NEXMIF: variants seen among roughly 807,000 people sequenced by gnomAD.
The protein encoded by NEXMIF is neurite extension and migration factor.
Under a neutral mutation model 62.1 loss-of-function variants are expected in NEXMIF, and 8 were observed. The observed-to-expected ratio is 0.13, with a 90% CI of 0.08 to 0.23. NEXMIF has a LOEUF of 0.23. Ranked by LOEUF, NEXMIF falls within the 10% of genes least tolerant of loss-of-function variation. The pLI is 1.00. For missense variants in NEXMIF, 976 were observed against 1,113.3 expected (o/e 0.88, Z 1.75); for synonymous variants, 404 against 416.6 (o/e 0.97, Z 0.37).
chrX:74,866,200 T>C (rs1400127072), intron 1 of NEXMIF, among the ~76,000 whole-genome samples: 1 of 111,982 alleles, frequency 8.9e-6, no homozygotes, highest in Non-Finnish European at 1.9e-5. Context: ...TCCCACTGCT[T>C]GCATCAGTGT....
rs1431384899 is a variant in NEXMIF at position 74,793,737 on chromosome X, T to C, written c.-47-48040A>G. 2.3e-3 allele frequency among the ~76,000 whole-genome samples: 218 copies of C among 93,572 alleles called. 2 individuals carry two copies. The highest frequency in any genetic ancestry group is 7.9e-3 in the African/African-American group (205 of 25,901). 81.3% of individuals were successfully genotyped at this position (93,572 alleles called of 115,157 possible). On this transcript the variant is annotated intron_variant, in intron 1 of 3. Coordinates refer to ENST00000055682, the MANE Select transcript of NEXMIF (RefSeq NM_001008537.3). ...TCATTTCATTCATTTCATCTTCCATTGCTGATACCCTTTCTTCCAGTTGAT... is the reference window on the plus strand; with the variant it reads ...TCATTTCATTCATTTCATCTTCCATCGCTGATACCCTTTCTTCCAGTTGAT...
chrX:74,734,343 G>A lies in NEXMIF; in HGVS notation c.*5062C>T, dbSNP rs1027039145. ...TAAGGACTAGTACATTCAAAACTCT[G>A]TAGGCAGCAAACTCCAGTCAGTGCT... is the stretch of plus-strand genomic sequence containing the variant. On this transcript the variant is annotated 3_prime_UTR_variant, in exon 4 of 4. Transcript: ENST00000055682. 3 of 112,046 alleles carry A rather than the reference G, an allele frequency of 2.7e-5. No homozygotes were observed. Among genetic ancestry groups the A allele is most frequent in the Non-Finnish European group, 3.8e-5 (2 of 53,124 alleles). The allele number at this position is 112,046 out of a possible 1,213,427, so 9.2% of individuals were successfully genotyped here.
intron 1 of NEXMIF, among the ~76,000 whole-genome samples, chrX:74,881,127 T>A (rs1275348287): frequency 9.0e-6 from 1 of 111,062 alleles, no homozygotes; most frequent in African/African-American, 3.3e-5. Flanking sequence ...TTGAGGCCTA[T>A]AAAGTTTGGA....
intron 1 of NEXMIF, among the ~76,000 whole-genome samples, chrX:74,779,122 A>G (rs2080237814): frequency 8.9e-6 from 1 of 112,514 alleles, no homozygotes; most frequent in Non-Finnish European, 1.9e-5. Context: ...CTGGGAACTT[A>G]TATCTTAAGC....
At chrX:74,915,602 G>A (rs12388196) in intron 1 of NEXMIF, among the ~76,000 whole-genome samples, 3,266 of 111,727 alleles carry the variant, frequency 0.029, 135 homozygotes, top group African/African-American at 0.1. Flanking sequence ...ATCTTGGGAT[G>A]GAAATATTAT....
intron 1 of NEXMIF, among the ~76,000 whole-genome samples, chrX:74,783,222 GA>G (rs1216634507): frequency 4.5e-5 from 5 of 111,200 alleles, no homozygotes; most frequent in Non-Finnish European, 7.5e-5. Context: ...AAATATGTAA[GA>G]ATAAAATAAT....
chrX:74,889,898 C>A (rs769833516), intron 1 of NEXMIF, among the ~76,000 whole-genome samples: 1 of 109,506 alleles, frequency 9.1e-6, no homozygotes, highest in South Asian at 4.0e-4. Flanking sequence ...CTTTAGTTTT[C>A]TTCTTTTTGT....
chrX:74,879,385 G>A (rs776893499), intron 1 of NEXMIF, among the ~76,000 whole-genome samples: 4 of 112,185 alleles, frequency 3.6e-5, no homozygotes, highest in African/African-American at 1.3e-4. Flanking sequence ...ACCTGAACAC[G>A]TTATAATTAT....
chrX:74,826,291 T>C (rs2080416980), intron 1 of NEXMIF, among the ~76,000 whole-genome samples: 1 of 112,316 alleles, frequency 8.9e-6, no homozygotes. Context: ...TTTCATATGA[T>C]TGCTGGCCAC....
chrX:74,832,934 G>A (rs539172189), intron 1 of NEXMIF, among the ~76,000 whole-genome samples: 7 of 110,863 alleles, frequency 6.3e-5, no homozygotes, highest in South Asian at 7.5e-4. Flanking sequence ...TCCAAAATTC[G>A]TTTTGTTCTT....
intron 1 of NEXMIF, among the ~76,000 whole-genome samples, chrX:74,773,364 T>A (rs759786832): frequency 2.7e-5 from 3 of 112,008 alleles, no homozygotes; most frequent in Non-Finnish European, 5.6e-5. Flanking sequence ...GTTAAGTAAC[T>A]CTTTCAGGCC....
At chrX:74,860,201 G>A (rs5937308) in intron 1 of NEXMIF, among the ~76,000 whole-genome samples, 26,971 of 110,515 alleles carry the variant, frequency 0.24, 3,952 homozygotes, top group East Asian at 0.93. Flanking sequence ...TCAACAAGAG[G>A]ATATACCAAT....
At chrX:74,849,640 C>A (rs975964661) in intron 1 of NEXMIF, among the ~76,000 whole-genome samples, 1 of 112,827 alleles carries the variant, frequency 8.9e-6, no homozygotes, top group African/African-American at 3.2e-5. Context: ...GCTGAATTCA[C>A]ATCATCCATC....
intron 1 of NEXMIF, among the ~76,000 whole-genome samples, chrX:74,841,873 C>T (rs1268211184): frequency 1.8e-5 from 2 of 111,320 alleles, no homozygotes; most frequent in African/African-American, 3.3e-5. Context: ...CTGCTGGATT[C>T]GGTTTGCAAG....
chrX:74,819,133 G>A (rs1278655679), intron 1 of NEXMIF, among the ~76,000 whole-genome samples: 2 of 112,154 alleles, frequency 1.8e-5, no homozygotes, highest in Non-Finnish European at 3.8e-5. Context: ...CTAGCCGTAT[G>A]TAGAAAGCTG....
intron 1 of NEXMIF, among the ~76,000 whole-genome samples, chrX:74,818,258 C>T (rs2459520): frequency 0.079 from 8,727 of 111,164 alleles, 841 homozygotes; most frequent in African/African-American, 0.27. Context: ...AAACATGGTA[C>T]TGGTACAAAA....
intron 1 of NEXMIF, among the ~76,000 whole-genome samples, chrX:74,919,246 G>A (rs1370047603): frequency 1.8e-5 from 2 of 111,776 alleles, no homozygotes; most frequent in African/African-American, 6.5e-5. Context: ...TAGGAGAGAT[G>A]CCTTTGGAGC....
chrX:74,868,225 C>T (rs745469990), intron 1 of NEXMIF, among the ~76,000 whole-genome samples: 3 of 111,906 alleles, frequency 2.7e-5, no homozygotes, highest in South Asian at 7.5e-4. Context: ...GGCAATTCCT[C>T]AAAGACCTAG....
chrX:74,844,191 C>A (rs1256222022), intron 1 of NEXMIF, among the ~76,000 whole-genome samples: 2 of 111,370 alleles, frequency 1.8e-5, no homozygotes, highest in Non-Finnish European at 3.8e-5. Context: ...CCTGCCCATT[C>A]TCTCTAGCTG....
Sources: allele counts gnomAD v4.1 joint callset (sites outside exome capture counted in the v4.1 genomes callset), GRCh38; gene constraint gnomAD v4.1.1; transcripts MANE v1.5; gene names NCBI Gene and HGNC (gene_info 2026-07-23, HGNC 2026-07-21).